NRG1: variants seen among roughly 807,000 people sequenced by gnomAD.
The protein encoded by NRG1 is pro-neuregulin-1, membrane-bound isoform.
NRG1 carries 18 observed loss-of-function variants against 63.8 expected under a neutral mutation model. That is an observed-to-expected ratio of 0.28 (90% CI 0.19 to 0.42). The LOEUF (loss-of-function observed/expected upper bound fraction) is 0.42. NRG1 is among the 10% of genes least tolerant of loss of function. The pLI is 1.00. For missense variants in NRG1, 762 were observed against 814.7 expected (o/e 0.94, Z 0.79); for synonymous variants, 302 against 301.3 (o/e 1.00, Z -0.02).
intron 5 of NRG1, among the ~76,000 whole-genome samples, chr8:32,652,708 A>C (rs1855390758): frequency 1.3e-5 from 2 of 151,798 alleles, no homozygotes; most frequent in Non-Finnish European, 2.9e-5. Context: ...TTTCTTAATG[A>C]CATAATTAAA....
intron 1 of NRG1, among the ~76,000 whole-genome samples, chr8:32,595,564 A>C (rs895637643): frequency 6.6e-5 from 10 of 152,210 alleles, no homozygotes; most frequent in African/African-American, 1.7e-4. Context: ...GCATCAGAGA[A>C]TATAAAGCTT....
chr8:32,635,746 AC>A (rs1358762455), intron 5 of NRG1, among the ~76,000 whole-genome samples: 1 of 152,122 alleles, frequency 6.6e-6, no homozygotes, highest in Non-Finnish European at 1.5e-5. Context: ...ATGCTTAGGT[AC>A]CTTGGAAAAC....
intron 1 of NRG1, among the ~76,000 whole-genome samples, chr8:32,151,702 C>G (rs1445768949): frequency 1.3e-5 from 2 of 152,144 alleles, no homozygotes; most frequent in Non-Finnish European, 2.9e-5. Flanking sequence ...CAGGGGGAAC[C>G]TGGCAACAGA....
At chr8:31,934,364 CATAT>C (rs948618947) in intron 1 of NRG1, among the ~76,000 whole-genome samples, 2 of 143,770 alleles carry the variant, frequency 1.4e-5, no homozygotes, top group Non-Finnish European at 3.0e-5. Context: ...TGTATATATA[CATAT>C]ATATATCTTT....
intron 5 of NRG1, among the ~76,000 whole-genome samples, chr8:32,713,501 T>C (rs1452682624): frequency 1.3e-5 from 2 of 151,898 alleles, no homozygotes; most frequent in Non-Finnish European, 2.9e-5. Context: ...TCCTAAGAAA[T>C]GTTGAATTTT....
At chr8:32,342,659 C>G (rs890620468) in intron 1 of NRG1, among the ~76,000 whole-genome samples, 1 of 152,162 alleles carries the variant, frequency 6.6e-6, no homozygotes, top group Non-Finnish European at 1.5e-5. Flanking sequence ...TATTCATATT[C>G]ATAGCATAAA....
chr8:31,763,962 C>T (rs1295442745), intron 1 of NRG1, among the ~76,000 whole-genome samples: 8 of 144,808 alleles, frequency 5.5e-5, no homozygotes, highest in African/African-American at 1.3e-4. Flanking sequence ...GCCAAGATCG[C>T]GCCACCACAC....
At chr8:32,216,706 G>A (rs1356303772) in intron 1 of NRG1, among the ~76,000 whole-genome samples, 2 of 150,178 alleles carry the variant, frequency 1.3e-5, no homozygotes, top group African/African-American at 4.9e-5. Context: ...TATATTTTTA[G>A]ATGTAAATAT....
rs563282355 is a variant in NRG1, at chr8:32,148,277, A to C, written c.38-447551A>C. On this transcript the variant is annotated intron_variant, in intron 1 of 10. Transcript: ENST00000519301. ...GAGCTGAGGCAGGATTTGACCCCAC[A>C]CAATCAGGCCCTAGGACCCAAGCCC... 1.8e-4 allele frequency among the ~76,000 whole-genome samples: 27 copies of C among 152,318 alleles called. No individual in the cohort carries two copies. The South Asian group carries it at 5.4e-3, about 30-fold the overall frequency.
At chr8:32,455,372 C>T (rs1821473888) in intron 1 of NRG1, among the ~76,000 whole-genome samples, 1 of 152,114 alleles carries the variant, frequency 6.6e-6, no homozygotes, top group Non-Finnish European at 1.5e-5. Context: ...TGTACTATAT[C>T]AAGAGCTTCT....
chr8:32,239,170 G>T lies in NRG1; in HGVS notation c.38-356658G>T, dbSNP rs183897585. Among the ~76,000 whole-genome samples, 3 of 151,398 alleles carry T rather than the reference G, an allele frequency of 2.0e-5. No individual in the cohort carries two copies. The East Asian group carries it at 5.8e-4, about 29-fold the overall frequency. ...AGCTTAATTTATTTTTTTTTAAAAA[G>T]CTCAATCTAAAAACAAGCTTAATTT... is the stretch of plus-strand genomic sequence containing the variant. On this transcript the variant is annotated intron_variant, in intron 1 of 10. Transcript: ENST00000519301.
intron 1 of NRG1, among the ~76,000 whole-genome samples, chr8:31,743,069 CA>C (rs1586081718): frequency 6.6e-6 from 1 of 151,974 alleles, no homozygotes; most frequent in South Asian, 2.1e-4. Flanking sequence ...CCAGTCCCAT[CA>C]CCGTTTTGAG....
intron 9 of NRG1, among the ~76,000 whole-genome samples, chr8:32,758,179 C>T (rs1830009539): frequency 6.6e-6 from 1 of 152,162 alleles, no homozygotes; most frequent in Admixed American, 6.5e-5. Flanking sequence ...TATTATTTAA[C>T]TCAATTTGGT....
At chr8:32,400,155 G>A (rs1212529095) in intron 1 of NRG1, among the ~76,000 whole-genome samples, 3 of 152,158 alleles carry the variant, frequency 2.0e-5, no homozygotes, top group African/African-American at 4.8e-5. Context: ...ACATTAACCC[G>A]AGCCTAAAAT....
chr8:31,927,957 G>C (rs1458773811), intron 1 of NRG1, among the ~76,000 whole-genome samples: 1 of 145,334 alleles, frequency 6.9e-6, no homozygotes, highest in Non-Finnish European at 1.5e-5. Flanking sequence ...ATGTTGGTGT[G>C]TGCACCCATT....
At chr8:31,865,889 C>T (rs774525868) in intron 1 of NRG1, among the ~76,000 whole-genome samples, 2 of 152,142 alleles carry the variant, frequency 1.3e-5, no homozygotes, top group Non-Finnish European at 1.5e-5. Context: ...ATATATATGT[C>T]GGGAAAAGAA....
intron 1 of NRG1, among the ~76,000 whole-genome samples, chr8:31,898,017 C>CAAA (rs34246447): frequency 1.6e-4 from 20 of 125,824 alleles, no homozygotes; most frequent in South Asian, 7.5e-4. Flanking sequence ...AATTCTATCT[C>CAAA]AAAAAAAAAA....
intron 1 of NRG1, among the ~76,000 whole-genome samples, chr8:31,837,209 C>CT (rs1388808351): frequency 6.6e-6 from 1 of 151,872 alleles, no homozygotes; most frequent in African/African-American, 2.4e-5. Context: ...GCCTTTTTCA[C>CT]TTTGTTTTTC....
chr8:32,352,574 C>G (rs1283626345), intron 1 of NRG1, among the ~76,000 whole-genome samples: 1 of 152,116 alleles, frequency 6.6e-6, no homozygotes, highest in Non-Finnish European at 1.5e-5. Context: ...TTTTAACAGA[C>G]AGGAATACTT....
Sources: allele counts gnomAD v4.1 joint callset (sites outside exome capture counted in the v4.1 genomes callset), GRCh38; gene constraint gnomAD v4.1.1; transcripts MANE v1.5; gene names NCBI Gene and HGNC (gene_info 2026-07-23, HGNC 2026-07-21).